Variants in LBP observed in about 807,000 individuals in gnomAD.
LBP encodes lipopolysaccharide binding protein.
LBP carries 53 observed loss-of-function variants against 56.6 expected under a neutral mutation model. The observed-to-expected ratio is 0.94, with a 90% CI of 0.75 to 1.18. The LOEUF is 1.18. Ranked by LOEUF, LBP falls within the 50% of genes most tolerant of loss-of-function variation. The pLI, the probability that LBP is intolerant of heterozygous loss-of-function variation, is 0.00. For missense variants in LBP, 601 were observed against 598.3 expected (o/e 1.00, Z -0.05); for synonymous variants, 227 against 247.5 (o/e 0.92, Z 0.78).
rs2076813235 is a variant in LBP at position 38,349,603 on chromosome 20, T to G, written c.180T>G (p.Pro60=). The stretch of plus-strand genomic sequence containing the variant: ...GTGAGCTGCTCAGGATCACGCTGCC[T>G]GACTTCACCGGGGACTTGAGGATCC... ...LQSELLRITL[P]DFTGDLRIPH... Residue 60 remains proline (P), a synonymous_variant, in exon 2 of 15, where the codon CCT becomes CCG. Coordinates refer to ENST00000217407, the MANE Select transcript of LBP (RefSeq NM_004139.5). The G allele has an allele frequency of 6.2e-7, 1 of 1,611,984 alleles. No individual in the cohort carries two copies. The highest frequency in any genetic ancestry group is 1.3e-5 in the African/African-American group (1 of 74,894).
intron 1 of LBP, among the ~76,000 whole-genome samples, chr20:38,347,337 A>G (rs2076804491): frequency 6.6e-6 from 1 of 152,044 alleles, no homozygotes; most frequent in Admixed American, 6.6e-5. Flanking sequence ...TCAGGCCAGG[A>G]GTTCGAGGCA....
intron 5 of LBP, among the ~76,000 whole-genome samples, chr20:38,355,932 G>A (rs1417166608): frequency 6.6e-6 from 1 of 151,738 alleles, no homozygotes; most frequent in Non-Finnish European, 1.5e-5. Flanking sequence ...AAAAGATGTC[G>A]TGTTAACTTT....
In LBP at chr20:38,369,138, G is replaced by A. The variant is rs2122622669; in HGVS notation, c.1125G>A (p.Lys375=). The change falls in exon 10 of 15, where the codon AAG becomes AAA. Residue 375 remains lysine (K), a synonymous_variant. Transcript: ENST00000217407. ...DAFVLLPSSS[K]EPVFRLSVAT... is the part of the protein sequence containing the mutation. ...TTGTGCTCCTGCCCAGCTCCAGCAA[G>A]GAGCCTGTCTTCCGGCTCAGTGTGG... 6.2e-7 allele frequency: 1 copy of A among 1,614,062 alleles called. No individual in the cohort carries two copies. The highest frequency in any genetic ancestry group is 2.2e-5 in the East Asian group (1 of 44,874).
intron 1 of LBP, 150 bp from the exon 2 acceptor site, chr20:38,349,398 C>A: frequency 1.5e-6 from 1 of 652,272 alleles, no homozygotes. Flanking sequence ...TGCTACCTGG[C>A]ACACAGAGGG....
At chr20:38,366,036 A>T (rs1228245970) in intron 8 of LBP, among the ~76,000 whole-genome samples, 1 of 152,158 alleles carries the variant, frequency 6.6e-6, no homozygotes, top group African/African-American at 2.4e-5. Context: ...AGTGGATCTC[A>T]CCTTTAATGG....
intron 8 of LBP, among the ~76,000 whole-genome samples, chr20:38,365,160 A>T (rs1436846143): frequency 7.0e-6 from 1 of 143,658 alleles, no homozygotes; most frequent in African/African-American, 2.6e-5. Flanking sequence ...GCTTGAACCC[A>T]GGAGGTGGAG....
rs2083959837 is a variant in LBP at position 38,376,609 on chromosome 20, G to C, written c.1402-16G>C. The C allele has an allele frequency of 3.1e-6, 5 of 1,612,438 alleles. No individual in the cohort carries two copies. In the African/African-American group the frequency reaches 5.3e-5, roughly 17 times the overall value. ...AGGATGCTCTTTACCATCCTGTCCT[G>C]TCCTGTTTTTCCTAGGACTTCCTGT... On this transcript the variant is annotated splice_polypyrimidine_tract_variant and intron_variant, in intron 14 of 14. Transcript: ENST00000217407.
chr20:38,372,749 T>G (rs535780979), intron 12 of LBP, among the ~76,000 whole-genome samples: 11 of 152,270 alleles, frequency 7.2e-5, no homozygotes. Flanking sequence ...GCTTATTTTG[T>G]TTTTATTAAA....
intron 8 of LBP, among the ~76,000 whole-genome samples, chr20:38,365,717 A>AT (rs1312577833): frequency 9.1e-5 from 4 of 43,722 alleles, no homozygotes; most frequent in African/African-American, 9.1e-5. Flanking sequence ...AAAAAAAAAA[A>AT]ATATATATAT....
At chr20:38,363,718 GTA>G (rs1461440934) in intron 6 of LBP, among the ~76,000 whole-genome samples, 1 of 152,086 alleles carries the variant, frequency 6.6e-6, no homozygotes, top group Non-Finnish European at 1.5e-5. Context: ...TGGTGTGTGT[GTA>G]TGTGTGTGTG....
At chr20:38,356,533 G>A (rs572979469) in intron 5 of LBP, among the ~76,000 whole-genome samples, 31 of 151,934 alleles carry the variant, frequency 2.0e-4, no homozygotes, top group African/African-American at 7.5e-4. Flanking sequence ...GGCAAACCCC[G>A]CATTTTGGGT....
At chr20:38,354,887 G>C (rs534301187) in intron 4 of LBP, among the ~76,000 whole-genome samples, 8 of 152,276 alleles carry the variant, frequency 5.3e-5, no homozygotes, top group East Asian at 1.9e-4. Flanking sequence ...TTCAAGACCA[G>C]CCTGGGCAAC....
In LBP at chr20:38,360,754, C is replaced by G. The variant is rs748166795; in HGVS notation, c.639C>G (p.Leu213=). The change falls in exon 6 of 15, where the codon CTC becomes CTG. Residue 213 remains leucine (L), a synonymous_variant. Transcript: ENST00000217407. ...TGTCCTCCGATCTACAGCCTTATCTCCAAACTCTGCCAGGTAGGACACCCC... is the reference window on the plus strand; with the variant it reads ...TGTCCTCCGATCTACAGCCTTATCTGCAAACTCTGCCAGGTAGGACACCCC... The part of the protein sequence containing the change: ...KSVSSDLQPY[L]QTLPVTTEID... 2.1e-5 allele frequency: 34 copies of G among 1,611,808 alleles called. No homozygotes were observed. Among genetic ancestry groups the G allele is most frequent in the African/African-American group, 1.3e-5 (1 of 74,846 alleles).
chr20:38,359,751 G>T (rs922008361), intron 5 of LBP, among the ~76,000 whole-genome samples: 7 of 152,202 alleles, frequency 4.6e-5, no homozygotes, highest in Non-Finnish European at 8.8e-5. Flanking sequence ...TCCCAAGGCT[G>T]CATCATAAAT....
At chr20:38,364,800 G>A (rs777377096) in intron 8 of LBP, 48 bp downstream of exon 8, 85 of 1,515,804 alleles carry the variant, frequency 5.6e-5, no homozygotes, top group Admixed American at 2.9e-4. Flanking sequence ...ATAACCTACC[G>A]CTCCTTCCTT....
intron 1 of LBP, among the ~76,000 whole-genome samples, chr20:38,349,273 C>T (rs2076812040): frequency 6.6e-6 from 1 of 152,224 alleles, no homozygotes; most frequent in African/African-American, 2.4e-5. Flanking sequence ...TCCAAGCGCA[C>T]AGCACTTTTG....
intron 13 of LBP, 67 bp from the exon 14 acceptor site, chr20:38,373,870 G>A (rs999885266): frequency 3.9e-5 from 54 of 1,396,654 alleles, no homozygotes; most frequent in African/African-American, 3.7e-4. Flanking sequence ...GAACATTTTC[G>A]GTAAAAATCT....
chr20:38,353,484 T>C (rs6099254), intron 3 of LBP, among the ~76,000 whole-genome samples: 7,825 of 117,536 alleles, frequency 0.067, 1,042 homozygotes, highest in African/African-American at 0.25. Flanking sequence ...GCTTCCTTTT[T>C]TTTTTTTTTT....
intron 3 of LBP, among the ~76,000 whole-genome samples, chr20:38,353,226 T>C (rs1383175774): frequency 3.9e-5 from 6 of 152,230 alleles, no homozygotes; most frequent in African/African-American, 1.4e-4. Flanking sequence ...CAGTGGCATG[T>C]AGTACATTCA....
Sources: gnomAD v4.1 joint callset for allele counts (sites outside exome capture counted in the v4.1 genomes callset) on GRCh38, gnomAD v4.1.1 for gene constraint, MANE v1.5 for transcripts, NCBI Gene and HGNC (gene_info 2026-07-23, HGNC 2026-07-21) for gene names.